The following KAT6B variants were observed in gnomAD, a reference collection of about 807,000 sequenced individuals.
KAT6B encodes the protein histone acetyltransferase KAT6B.
Under a neutral mutation model 187.5 loss-of-function variants are expected in KAT6B, and 10 were observed. That is an observed-to-expected ratio of 0.05 (90% CI 0.03 to 0.09). The LOEUF (loss-of-function observed/expected upper bound fraction) is 0.09. KAT6B is among the 10% of genes least tolerant of loss of function. KAT6B has a pLI of 1.00. For missense variants in KAT6B, 1,952 were observed against 2,558.9 expected (o/e 0.76, Z 5.12); for synonymous variants, 861 against 926.8 (o/e 0.93, Z 1.29).
intron 3 of KAT6B, among the ~76,000 whole-genome samples, chr10:74,919,623 G>A (rs1847967768): frequency 6.6e-6 from 1 of 152,070 alleles, no homozygotes; most frequent in South Asian, 2.1e-4. Flanking sequence ...GGCTGGTCTT[G>A]AACTCCTGAT....
chr10:74,948,472 C>G (rs1840093765), intron 3 of KAT6B, among the ~76,000 whole-genome samples: 1 of 152,180 alleles, frequency 6.6e-6, no homozygotes, highest in African/African-American at 2.4e-5. Context: ...TACCTATGTC[C>G]CATCTCCTCA....
intron 3 of KAT6B, among the ~76,000 whole-genome samples, chr10:74,915,341 C>A (rs1847595311): frequency 6.6e-6 from 1 of 152,148 alleles, no homozygotes; most frequent in African/African-American, 2.4e-5. Flanking sequence ...CTTGAATATG[C>A]CATGTTCCAT....
intron 6 of KAT6B, among the ~76,000 whole-genome samples, chr10:74,971,339 T>A (rs1841835768): frequency 6.6e-6 from 1 of 152,196 alleles, no homozygotes; most frequent in Non-Finnish European, 1.5e-5. Context: ...TATAGAAGGA[T>A]ACCTATTTTC....
At chr10:74,898,629 CTG>C (rs1554823712) in intron 3 of KAT6B, among the ~76,000 whole-genome samples, 2 of 152,074 alleles carry the variant, frequency 1.3e-5, no homozygotes, top group South Asian at 2.1e-4. Flanking sequence ...TTTGAACTGT[CTG>C]TTTTATTTTC....
intron 3 of KAT6B, among the ~76,000 whole-genome samples, chr10:74,869,894 T>C (rs1843792446): frequency 1.3e-5 from 2 of 152,184 alleles, no homozygotes; most frequent in Admixed American, 6.5e-5. Context: ...TTCACCAAAC[T>C]TAGAAGGTTT....
chr10:75,023,869 A>G (rs1412297918), intron 16 of KAT6B: 1 of 151,968 alleles, frequency 6.6e-6, no homozygotes, highest in Non-Finnish European at 1.5e-5. Context: ...TTTTTAAAAT[A>G]ATAATAATAA....
chr10:74,881,583 T>C (rs540923030), intron 3 of KAT6B, among the ~76,000 whole-genome samples: 12 of 152,196 alleles, frequency 7.9e-5, no homozygotes, highest in Non-Finnish European at 1.5e-4. Context: ...AACAATTGCA[T>C]GTTGTCTCAT....
At chr10:74,842,531 A>G in intron 2 of KAT6B, 69 bp from the exon 3 acceptor site, 2 of 530,786 alleles carry the variant, frequency 3.8e-6, no homozygotes, top group South Asian at 6.1e-5. Flanking sequence ...AAGTCATGCT[A>G]AAGAATCTTT....
chr10:74,935,448 G>A (rs114695819), intron 3 of KAT6B, among the ~76,000 whole-genome samples: 1,610 of 151,378 alleles, frequency 0.011, 36 homozygotes, highest in African/African-American at 0.037. Context: ...AATGGCATGC[G>A]CCACCATGCC....
At chr10:74,833,134 C>CAAAAAAA in intron 1 of KAT6B, among the ~76,000 whole-genome samples, 1 of 52,288 alleles carries the variant, frequency 1.9e-5, no homozygotes, top group South Asian at 7.7e-4. Flanking sequence ...GACTCTGTCT[C>CAAAAAAA]AAAAAAAAAA....
chr10:74,932,072 A>G lies in KAT6B; in HGVS notation c.622-27898A>G, dbSNP rs956407669. 6.8e-4 allele frequency among the ~76,000 whole-genome samples: 103 copies of G among 152,160 alleles called. 1 individual carries two copies. The highest frequency in any genetic ancestry group is 1.3e-3 in the Non-Finnish European group (91 of 68,030). ...CCCCATGTGATTTGTAAACCCTCCA[A>G]GGCTTGGGTCTCACATTCTCATTCT... On this transcript the variant is annotated intron_variant, in intron 3 of 17. Coordinates refer to ENST00000287239, the MANE Select transcript of KAT6B (RefSeq NM_012330.4).
At chr10:74,861,582 A>G (rs1255811047) in intron 3 of KAT6B, among the ~76,000 whole-genome samples, 3 of 152,202 alleles carry the variant, frequency 2.0e-5, no homozygotes, top group East Asian at 1.9e-4. Flanking sequence ...AATGTGGTAG[A>G]GCTGGAGCCA....
intron 4 of KAT6B, among the ~76,000 whole-genome samples, chr10:74,966,528 T>A (rs1484196448): frequency 6.6e-6 from 1 of 152,264 alleles, no homozygotes; most frequent in Non-Finnish European, 1.5e-5. Context: ...TTGGTACTTG[T>A]TTAATTTTAA....
At chr10:75,022,367 A>T (rs1845497691) in intron 16 of KAT6B, 136 bp downstream of exon 16, 1 of 974,850 alleles carries the variant, frequency 1.0e-6, no homozygotes, top group South Asian at 1.3e-5. Context: ...CCCGCTGATC[A>T]TATATCATAA....
chr10:74,912,385 A>G (rs1253883331), intron 3 of KAT6B, among the ~76,000 whole-genome samples: 7 of 151,680 alleles, frequency 4.6e-5, no homozygotes, highest in African/African-American at 1.7e-4. Flanking sequence ...GGATAGATAG[A>G]TAGATAGATA....
chr10:75,024,060 A>G (rs1332480905), intron 16 of KAT6B: 1 of 152,068 alleles, frequency 6.6e-6, no homozygotes, highest in East Asian at 1.9e-4. Flanking sequence ...AACATTTTAT[A>G]ATTACAATTA....
chr10:75,013,392 G>A (rs1048017376), intron 13 of KAT6B, among the ~76,000 whole-genome samples: 2 of 151,488 alleles, frequency 1.3e-5, no homozygotes, highest in African/African-American at 4.9e-5. Context: ...TAATTCAATT[G>A]ATATCTGGGT....
At position 75,030,069 on chromosome 10, in the gene KAT6B, A is replaced by C. The variant is rs759590903; in HGVS notation, c.5245A>C (p.Lys1749Gln). Residue 1749 changes from lysine (K) to glutamine (Q), a missense_variant, in exon 18 of 18, where the codon AAG (lysine) becomes CAG (glutamine). Coordinates refer to ENST00000287239, the MANE Select transcript of KAT6B (RefSeq NM_012330.4). The surrounding 1 kb of genome is among the most constrained non-coding windows in gnomAD (Gnocchi z 4.8). ...CAGCTCCCCTCCGACCTGCAGCGTC[A>C]AGTCTCCTCAAGGCTGTGTGGTGGA... ...SISSPPTCSV[K>Q]SPQGCVVERP... 3 of 1,614,214 alleles carry C rather than the reference A, an allele frequency of 1.9e-6. No homozygotes were observed. Among genetic ancestry groups the C allele is most frequent in the Non-Finnish European group, 2.5e-6 (3 of 1,180,044 alleles).
At chr10:74,841,551 C>G (rs1228850891) in intron 2 of KAT6B, among the ~76,000 whole-genome samples, 1 of 150,980 alleles carries the variant, frequency 6.6e-6, no homozygotes, top group Non-Finnish European at 1.5e-5. Context: ...GGTGACAGAG[C>G]GAGACTCTAT....
Sources: gnomAD v4.1 joint callset for allele counts (sites outside exome capture counted in the v4.1 genomes callset) on GRCh38, gnomAD v4.1.1 for gene constraint, Gnocchi (gnomAD v3.1) non-coding constraint, MANE v1.5 for transcripts, NCBI Gene and HGNC (gene_info 2026-07-23, HGNC 2026-07-21) for gene names.